The following SMARCD1 variants were observed in gnomAD, a reference collection of about 807,000 sequenced individuals.
SMARCD1 encodes the protein SWI/SNF-related matrix-associated actin-dependent regulator of chromatin subfamily D member 1.
SMARCD1 carries 16 observed loss-of-function variants against 70.8 expected under a neutral mutation model. The observed-to-expected ratio is 0.23, with a 90% confidence interval of 0.15 to 0.34. The LOEUF (loss-of-function observed/expected upper bound fraction) is 0.34. SMARCD1 is among the 10% of genes least tolerant of loss of function. The pLI, the probability that SMARCD1 is intolerant of heterozygous loss-of-function variation, is 1.00. For synonymous variants in SMARCD1, 249 were observed against 246.0 expected, an observed-to-expected ratio of 1.01 and a Z score of -0.11; for missense variants, 409 against 655.5, an observed-to-expected ratio of 0.62 and a Z score of 4.11.
chr12:50,096,634 C>T (rs893066594), intron 10 of SMARCD1: 14 of 480,208 alleles, frequency 2.9e-5, no homozygotes, highest in Non-Finnish European at 5.3e-5. Context: ...GAAAGCTTTC[C>T]TCACATGGGG....
intron 10 of SMARCD1, among the ~76,000 whole-genome samples, chr12:50,095,857 G>A (rs977301936): frequency 1.3e-5 from 2 of 152,190 alleles, no homozygotes; most frequent in Admixed American, 1.3e-4. Context: ...TAGATAGGGA[G>A]CCAGATGCCT....
At chr12:50,093,211 C>A (rs1390275864) in intron 9 of SMARCD1, among the ~76,000 whole-genome samples, 1 of 151,820 alleles carries the variant, frequency 6.6e-6, no homozygotes, top group Non-Finnish European at 1.5e-5. Flanking sequence ...TTTAAACATA[C>A]AGAGTCTTGC....
Position 50,098,820 on chromosome 12 carries a change from G to A in SMARCD1, c.1494+5G>A, listed in dbSNP as rs893440954. 3.7e-6 allele frequency: 6 copies of A among 1,612,740 alleles called. No homozygotes were observed. Among genetic ancestry groups the A allele is most frequent in the African/African-American group, 1.3e-5 (1 of 74,912 alleles). On this transcript the variant is annotated splice_donor_5th_base_variant and intron_variant, in intron 12 of 12. Coordinates refer to ENST00000394963, the MANE Select transcript of SMARCD1 (RefSeq NM_003076.5). Reference sequence around the variant, plus strand: ...TGCCGATACTTCTACTCCAAGGTAAGTACATGGGGTGCACGGGGGAAATTG... The same window carrying A: ...TGCCGATACTTCTACTCCAAGGTAAATACATGGGGTGCACGGGGGAAATTG...
Position 50,088,561 on chromosome 12 carries a change from A to C in SMARCD1, c.695A>C (p.Lys232Thr). The change falls in exon 6 of 13, where the codon AAG (lysine) becomes ACG (threonine). Residue 232 changes from lysine to threonine, a missense_variant. Coordinates refer to ENST00000394963, the MANE Select transcript of SMARCD1 (RefSeq NM_003076.5). ...TATGATGCCACTAAACAAAAGAGGA[A>C]GTTCTCTTCCTTTTTTAAGTCCTTG... ...SKYDATKQKR[K>T]FSSFFKSLVI... 1 of 1,610,134 alleles carries C rather than the reference A, an allele frequency of 6.2e-7. No individual in the cohort carries two copies. Among genetic ancestry groups the C allele is most frequent in the Non-Finnish European group, 8.5e-7 (1 of 1,177,704 alleles).
chr12:50,095,569 C>A lies in SMARCD1; in HGVS notation c.1269+997C>A, dbSNP rs1042183850. On this transcript the variant is annotated intron_variant, in intron 10 of 12. Coordinates refer to ENST00000394963, the MANE Select transcript of SMARCD1 (RefSeq NM_003076.5). ...CTTGAACTCCTGACCTCAGGTGATC[C>A]ACCCGCTTCGGCCTCCCAAAGTGCT... is the stretch of plus-strand genomic sequence containing the variant. 5.9e-5 allele frequency among the ~76,000 whole-genome samples: 9 copies of A among 151,984 alleles called. No individual in the cohort carries two copies. The East Asian group carries it at 1.8e-3, about 30-fold the overall frequency.
rs1592289441 is a variant in SMARCD1 at position 50,090,709 on chromosome 12, G to C, written c.1133+119G>C. On this transcript the variant is annotated intron_variant, in intron 9 of 12. Coordinates refer to ENST00000394963, the MANE Select transcript of SMARCD1 (RefSeq NM_003076.5). ...GGTTGTTAAACACAACTGTTACACT[G>C]TTACTTACAATTAAATTACATAAAC... The C allele has an allele frequency of 2.2e-5, 13 of 600,542 alleles. No homozygotes were observed. The East Asian group carries it at 3.7e-4, about 17-fold the overall frequency. The allele number at this position is 600,542 out of a possible 1,614,324, so 37.2% of individuals were successfully genotyped here. A position where few individuals can be genotyped will look rare whatever the true frequency, so the allele number is the denominator to read the frequency against.
intron 9 of SMARCD1, 54 bp downstream of exon 9, chr12:50,090,644 G>A (rs2137884878): frequency 7.4e-7 from 1 of 1,346,620 alleles, no homozygotes. Flanking sequence ...GTGCCGATTT[G>A]CACAAGCCAG....
chr12:50,085,962 A>G, intron 1 of SMARCD1, 199 bp from the exon 2 acceptor site: 1 of 416,356 alleles, frequency 2.4e-6, no homozygotes, highest in Non-Finnish European at 4.2e-6. Context: ...GAATTTGAGT[A>G]TAATCTGGCT....
At position 50,086,669 on chromosome 12, in the gene SMARCD1, T is replaced by G; in HGVS notation, c.408+6T>G. 6.2e-7 allele frequency: 1 copy of G among 1,613,546 alleles called. No homozygotes were observed. The highest frequency in any genetic ancestry group is 8.5e-7 in the Non-Finnish European group (1 of 1,179,822). On this transcript the variant is annotated splice_donor_region_variant and intron_variant, in intron 3 of 12. Transcript: ENST00000394963. ...ACAAAATTCTACCTCAAAGGGTGAGTCCAGGCTATATGTCTTCTGGAAAGT... is the reference window on the plus strand; with the variant it reads ...ACAAAATTCTACCTCAAAGGGTGAGGCCAGGCTATATGTCTTCTGGAAAGT...
At chr12:50,097,046 G>GT in intron 11 of SMARCD1, 74 bp downstream of exon 11, 1 of 1,418,928 alleles carries the variant, frequency 7.0e-7, no homozygotes. Context: ...TGTAGCAGCT[G>GT]GTAGGAGACC....
At chr12:50,088,664 G>T in intron 6 of SMARCD1, 27 bp downstream of exon 6, 2 of 1,242,408 alleles carry the variant, frequency 1.6e-6, no homozygotes, top group South Asian at 2.5e-5. Context: ...TCTAGGCTTT[G>T]ACTCTGATTG....
In SMARCD1 at chr12:50,093,023, A is replaced by G. The variant is rs1479441577; in HGVS notation, c.1134-1414A>G. 7.9e-5 allele frequency among the ~76,000 whole-genome samples: 12 copies of G among 151,858 alleles called. 1 individual carries two copies. Among genetic ancestry groups the G allele is most frequent in the Admixed American group, 7.9e-4 (12 of 15,272 alleles). On this transcript the variant is annotated intron_variant, in intron 9 of 12. Coordinates refer to ENST00000394963, the MANE Select transcript of SMARCD1 (RefSeq NM_003076.5). ...AAACCCCATCTCTACTAAAAATACA[A>G]AAATTAGCTGGGCATGGTGGTGGGC...
At chr12:50,090,615 G>T (rs1292658687) in intron 9 of SMARCD1, 25 bp downstream of exon 9, 1 of 1,558,232 alleles carries the variant, frequency 6.4e-7, no homozygotes, top group Non-Finnish European at 8.9e-7. Context: ...GGGAGGCAGT[G>T]CTGTGCCGGA....
At chr12:50,086,565 T>C in intron 2 of SMARCD1, 56 bp from the exon 3 acceptor site, 1 of 1,565,890 alleles carries the variant, frequency 6.4e-7, no homozygotes, top group South Asian at 1.1e-5. Context: ...TGACAGCTTA[T>C]TTTCACGTTC....
At chr12:50,098,445 C>A in intron 11 of SMARCD1, 1 of 465,752 alleles carries the variant, frequency 2.1e-6, no homozygotes, top group Middle Eastern at 5.9e-4. Context: ...CGTTGTCTTC[C>A]TTCTGTATGT....
At chr12:50,095,502 T>C (rs1950884829) in intron 10 of SMARCD1, among the ~76,000 whole-genome samples, 1 of 152,078 alleles carries the variant, frequency 6.6e-6, no homozygotes, top group Non-Finnish European at 1.5e-5. Flanking sequence ...AATTTTTGTA[T>C]TTTTAGTAGA....
intron 1 of SMARCD1, 131 bp downstream of exon 1, chr12:50,085,677 G>C: frequency 1.8e-6 from 1 of 546,266 alleles, no homozygotes; most frequent in Non-Finnish European, 2.6e-6. Flanking sequence ...GGGGGTTGGG[G>C]GAGGCAGTGC....
Position 50,096,980 on chromosome 12 carries a change from AC to A in SMARCD1, c.1392+10del. The A allele has an allele frequency of 1.2e-6, 2 of 1,609,342 alleles. No homozygotes were observed. Among genetic ancestry groups the A allele is most frequent in the Non-Finnish European group, 1.7e-6 (2 of 1,176,614 alleles). ...CAGTGCAGGGACCTCAAGGTAAAGAACCTAGGAGAGGTCTGAAGGGACTTAG... is the reference window on the plus strand; with the variant it reads ...CAGTGCAGGGACCTCAAGGTAAAGAACTAGGAGAGGTCTGAAGGGACTTAG... On this transcript the variant is annotated intron_variant, in intron 11 of 12. Transcript: ENST00000394963.
At chr12:50,093,853 C>A (rs1424232567) in intron 9 of SMARCD1, among the ~76,000 whole-genome samples, 2 of 152,116 alleles carry the variant, frequency 1.3e-5, no homozygotes, top group African/African-American at 4.8e-5. Flanking sequence ...GAACTTGGCT[C>A]ACTATATCCT....
Sources: gnomAD v4.1 joint callset for allele counts (sites outside exome capture counted in the v4.1 genomes callset) on GRCh38, gnomAD v4.1.1 for gene constraint, MANE v1.5 for transcripts, NCBI Gene and HGNC (gene_info 2026-07-23, HGNC 2026-07-21) for gene names.